Variants in ABHD2 observed in about 807,000 individuals in gnomAD.
The protein encoded by ABHD2 is abhydrolase domain containing 2, acylglycerol lipase, also known as monoacylglycerol lipase ABHD2.
In ABHD2, 20 loss-of-function variants were observed where a neutral mutation model predicts 48.1. The ratio of observed to expected loss-of-function variants is 0.42; its 90% CI spans 0.29 to 0.60. The LOEUF (loss-of-function observed/expected upper bound fraction) is 0.60, where lower values mean the gene tolerates loss of function less well. Ranked by LOEUF, ABHD2 falls within the 20% of genes least tolerant of loss-of-function variation. The pLI is 0.24. For synonymous variants in ABHD2, 209 were observed against 214.2 expected (o/e 0.98, Z 0.21); for missense variants, 405 against 550.9 (o/e 0.74, Z 2.65).
In ABHD2 at chr15:89,127,724, T is replaced by TATATATATAC. The variant is rs754686433; in HGVS notation, c.194+11212_194+11213insCATATATATA. On this transcript the variant is annotated intron_variant, in intron 3 of 10. Transcript: ENST00000352732. ...ATATATACATATATATATATACACA[T>TATATATATAC]ATATATATATATATATGTATATTTT... Among the ~76,000 whole-genome samples the TATATATATAC allele has an allele frequency of 1.6e-4, 11 of 70,728 alleles. 1 individual carries two copies. Among genetic ancestry groups the TATATATATAC allele is most frequent in the African/African-American group, 5.3e-4 (11 of 20,780 alleles). 46.4% of individuals were successfully genotyped at this position (70,728 alleles called of 152,430 possible).
At chr15:89,156,732 A>T (rs2050680812) in intron 5 of ABHD2, among the ~76,000 whole-genome samples, 1 of 151,866 alleles carries the variant, frequency 6.6e-6, no homozygotes, top group Admixed American at 6.6e-5. Context: ...AAAAAAAAAA[A>T]AAATCCTGTT....
At position 89,186,444 on chromosome 15, in the gene ABHD2, G is replaced by A. The variant is rs2051211825; in HGVS notation, c.815+928G>A. Among the ~76,000 whole-genome samples, 1 of 152,036 alleles carries A rather than the reference G, an allele frequency of 6.6e-6. No individual in the cohort carries two copies. The highest frequency in any genetic ancestry group is 2.1e-4 in the South Asian group (1 of 4,816). ...CTACGCCTCTCATTCCCTCTAGCTG[G>A]ACTAGGCTACTTAGAGGTTCCTGTG... On this transcript the variant is annotated intron_variant, in intron 7 of 10. Coordinates refer to ENST00000352732, the MANE Select transcript of ABHD2 (RefSeq NM_152924.5). This position sits in a 1 kb window ranked among gnomAD's most constrained non-coding sequence, Gnocchi z 4.3.
intron 1 of ABHD2, among the ~76,000 whole-genome samples, chr15:89,095,982 T>C (rs2049607222): frequency 6.6e-6 from 1 of 152,060 alleles, no homozygotes; most frequent in South Asian, 2.1e-4. Context: ...TAGAGAAAAA[T>C]ACAGAGATGA....
the ABHD2 span, among the ~76,000 whole-genome samples, chr15:89,060,322 C>T: frequency 9.2e-5 from 14 of 151,782 alleles, no homozygotes; most frequent in Non-Finnish European, 1.9e-4. Flanking sequence ...AACTCCTGAT[C>T]TCAGGTGATC....
Position 89,200,740 on chromosome 15 carries a change from G to T in ABHD2, c.*5317G>T. ...TCTTCTGGTCAAGAGAAAAAAAAAA[G>T]AAATAGCACTCTGCATGCTTTGCTC... On this transcript the variant is annotated 3_prime_UTR_variant, in exon 11 of 11. Transcript: ENST00000352732. 1 of 231,098 alleles carries T rather than the reference G, an allele frequency of 4.3e-6. No individual in the cohort carries two copies. Among genetic ancestry groups the T allele is most frequent in the Non-Finnish European group, 8.9e-6 (1 of 112,588 alleles). The allele number at this position is 231,098 out of a possible 1,614,324, so 14.3% of individuals were successfully genotyped here. A position where few individuals can be genotyped will look rare whatever the true frequency, so the allele number is the denominator to read the frequency against.
At chr15:89,132,005 A>T (rs1435405294) in intron 3 of ABHD2, among the ~76,000 whole-genome samples, 1 of 152,234 alleles carries the variant, frequency 6.6e-6, no homozygotes, top group African/African-American at 2.4e-5. Context: ...CAGGAGACAG[A>T]TGAGGCATCC....
chr15:89,151,637 G>A lies in ABHD2; in HGVS notation c.195-40G>A, dbSNP rs1214824729. On this transcript the variant is annotated intron_variant, in intron 3 of 10. Coordinates refer to ENST00000352732, the MANE Select transcript of ABHD2 (RefSeq NM_152924.5). This position sits in a 1 kb window ranked among gnomAD's most constrained non-coding sequence, Gnocchi z 4.7. Reference sequence around the variant, plus strand: ...AAAGATTTTTCAGAACGTTGCTCAAGGAATGTAGAGAAAATTGACCTCCCT... The same window carrying A: ...AAAGATTTTTCAGAACGTTGCTCAAAGAATGTAGAGAAAATTGACCTCCCT... 1 of 1,573,950 alleles carries A rather than the reference G, an allele frequency of 6.4e-7. No homozygotes were observed. The highest frequency in any genetic ancestry group is 8.6e-7 in the Non-Finnish European group (1 of 1,158,096).
rs2150963539 is a variant in ABHD2, at chr15:89,200,246, GCTGTCA to G, written c.*4826_*4831del. The G allele has an allele frequency of 6.6e-6, 1 of 152,342 alleles. No homozygotes were observed. Among genetic ancestry groups the G allele is most frequent in the African/African-American group, 2.4e-5 (1 of 41,572 alleles). 9.4% of individuals were successfully genotyped at this position (152,342 alleles called of 1,614,324 possible). A position where few individuals can be genotyped will look rare whatever the true frequency, so the allele number is the denominator to read the frequency against. ...GGAGGGCAGAAAGATCACACACAAG[GCTGTCA>G]CTTCATACTTGCAGGATTGCACAGC... On this transcript the variant is annotated 3_prime_UTR_variant, in exon 11 of 11. Coordinates refer to ENST00000352732, the MANE Select transcript of ABHD2 (RefSeq NM_152924.5).
the ABHD2 span, among the ~76,000 whole-genome samples, chr15:89,063,832 A>T: frequency 6.6e-6 from 1 of 151,852 alleles, no homozygotes; most frequent in East Asian, 1.9e-4. Flanking sequence ...ATGGAAGACA[A>T]TTTTTCCACG....
intron 5 of ABHD2, among the ~76,000 whole-genome samples, chr15:89,171,806 G>T (rs2050932694): frequency 6.6e-6 from 1 of 152,180 alleles, no homozygotes; most frequent in Admixed American, 6.5e-5. Flanking sequence ...TTAGAGCAGT[G>T]CGCCACAGCC....
the ABHD2 span, among the ~76,000 whole-genome samples, chr15:89,077,514 GT>G: frequency 6.6e-6 from 1 of 152,090 alleles, no homozygotes; most frequent in Non-Finnish European, 1.5e-5. Context: ...TGTTGCCAAG[GT>G]TTTAATTTTG....
chr15:89,191,252 A>C lies in ABHD2; in HGVS notation c.996+103A>C. On this transcript the variant is annotated intron_variant, in intron 9 of 10. Coordinates refer to ENST00000352732, the MANE Select transcript of ABHD2 (RefSeq NM_152924.5). ...ATTTTCCTGGTGGAAGCTCAGCTGG[A>C]ATCTGGCTCCAACCGCTCTTTTAGC... The C allele has an allele frequency of 2.5e-6, 3 of 1,191,156 alleles. No individual in the cohort carries two copies. In the East Asian group the frequency reaches 7.1e-5, roughly 28 times the overall value. The allele number at this position is 1,191,156 out of a possible 1,614,324, so 73.8% of individuals were successfully genotyped here. A position where few individuals can be genotyped will look rare whatever the true frequency, so the allele number is the denominator to read the frequency against.
At chr15:89,057,206 G>A in the ABHD2 span, among the ~76,000 whole-genome samples, 5 of 152,166 alleles carry the variant, frequency 3.3e-5, no homozygotes, top group African/African-American at 4.8e-5. Context: ...GAGCCACTGC[G>A]CTAGGCCAGC....
chr15:89,066,270 G>A, the ABHD2 span, among the ~76,000 whole-genome samples: 32,265 of 151,984 alleles, frequency 0.21, 4,338 homozygotes, highest in African/African-American at 0.36. Context: ...TATGAAGGAG[G>A]ATCCCTTTCT....
rs144375251 is a variant in ABHD2 at position 89,176,566 on chromosome 15, A to G, written c.722+571A>G. ...CCACCCCTTAGTCTCTTGCCAGTAG[A>G]TGCCCCACAGGATGAGTCCCAGGAG... On this transcript the variant is annotated intron_variant, in intron 6 of 10. Coordinates refer to ENST00000352732, the MANE Select transcript of ABHD2 (RefSeq NM_152924.5). The surrounding 1 kb of genome is among the most constrained non-coding windows in gnomAD (Gnocchi z 4.5). Among the ~76,000 whole-genome samples the G allele has an allele frequency of 6.6e-6, 1 of 152,272 alleles. No homozygotes were observed. The highest frequency in any genetic ancestry group is 1.5e-5 in the Non-Finnish European group (1 of 68,004).
intron 6 of ABHD2, among the ~76,000 whole-genome samples, chr15:89,181,945 C>A (rs1294458574): frequency 6.6e-6 from 1 of 152,164 alleles, no homozygotes; most frequent in Non-Finnish European, 1.5e-5. Context: ...TCTTAAAATT[C>A]TTTTAACAGT....
intron 3 of ABHD2, among the ~76,000 whole-genome samples, chr15:89,148,825 TC>T (rs1207965591): frequency 6.6e-6 from 1 of 152,232 alleles, no homozygotes; most frequent in East Asian, 1.9e-4. Context: ...AAAAGCATAT[TC>T]CTTCGTGTAC....
Position 89,155,320 on chromosome 15 carries a change from A to C in ABHD2, c.371-47A>C, listed in dbSNP as rs1248112164. ...TGAAGTGTAATTATGTCCATTTATCATGTCACATTTCTTGGATACATCAGG... is the reference window on the plus strand; with the variant it reads ...TGAAGTGTAATTATGTCCATTTATCCTGTCACATTTCTTGGATACATCAGG... On this transcript the variant is annotated intron_variant, in intron 4 of 10. Transcript: ENST00000352732. This position sits in a 1 kb window ranked among gnomAD's most constrained non-coding sequence, Gnocchi z 4.9. The C allele has an allele frequency of 1.4e-5, 22 of 1,574,032 alleles. No individual in the cohort carries two copies. Among genetic ancestry groups the C allele is most frequent in the Non-Finnish European group, 1.7e-5 (20 of 1,149,114 alleles).
At chr15:89,141,591 C>T (rs1273919383) in intron 3 of ABHD2, among the ~76,000 whole-genome samples, 4 of 152,140 alleles carry the variant, frequency 2.6e-5, no homozygotes, top group Admixed American at 6.5e-5. Context: ...AGAGATCACG[C>T]CACTGCACTC....
Sources: allele counts gnomAD v4.1 joint callset (sites outside exome capture counted in the v4.1 genomes callset), GRCh38; gene constraint gnomAD v4.1.1; non-coding constraint Gnocchi (gnomAD v3.1); transcripts MANE v1.5; gene names NCBI Gene and HGNC (gene_info 2026-07-23, HGNC 2026-07-21).